The following NRXN3 variants were observed in gnomAD, a reference collection of about 807,000 sequenced individuals.
The protein encoded by NRXN3 is neurexin III.
NRXN3 carries 32 observed loss-of-function variants against 137.6 expected under a neutral mutation model. The ratio of observed to expected loss-of-function variants is 0.23; its 90% CI spans 0.18 to 0.31. The LOEUF (loss-of-function observed/expected upper bound fraction) is 0.31. NRXN3 is among the 10% of genes least tolerant of loss of function. NRXN3 has a pLI of 1.00. For missense variants in NRXN3, 1,574 were observed against 2,062.5 expected (o/e 0.76, Z 4.59); for synonymous variants, 798 against 784.5 (o/e 1.02, Z -0.29).
intron 10 of NRXN3, among the ~76,000 whole-genome samples, chr14:78,858,100 G>A (rs890849890): frequency 1.3e-5 from 2 of 152,136 alleles, no homozygotes; most frequent in East Asian, 1.9e-4. Flanking sequence ...TTCCCTAGTG[G>A]CAGAGAGTTT....
chr14:78,595,896 C>T (rs958156679), intron 4 of NRXN3, among the ~76,000 whole-genome samples: 1 of 152,158 alleles, frequency 6.6e-6, no homozygotes, highest in Non-Finnish European at 1.5e-5. Context: ...ATCATAATAT[C>T]ATGGGTTAAA....
At chr14:78,967,064 C>A in intron 12 of NRXN3, 144 bp from the exon 13 acceptor site, 3 of 666,260 alleles carry the variant, frequency 4.5e-6, no homozygotes, top group Non-Finnish European at 5.0e-6. Context: ...ATTCTTGTAA[C>A]CTCATATCAA....
intron 6 of NRXN3, among the ~76,000 whole-genome samples, chr14:78,667,370 C>T (rs544696598): frequency 3.7e-4 from 57 of 152,242 alleles, no homozygotes; most frequent in African/African-American, 1.2e-3. Flanking sequence ...GAATCTGTTT[C>T]GTAGTGAGTA....
At position 78,797,833 on chromosome 14, in the gene NRXN3, A is replaced by G. The variant is rs1330676926; in HGVS notation, c.2045-5787A>G. Among the ~76,000 whole-genome samples the G allele has an allele frequency of 2.0e-5, 3 of 152,188 alleles. No individual in the cohort carries two copies. In the South Asian group the frequency reaches 6.2e-4, roughly 32 times the overall value. On this transcript the variant is annotated intron_variant, in intron 8 of 20. Transcript: ENST00000335750. The stretch of plus-strand genomic sequence containing the variant: ...TCTTACATGGTGGCAGACAAGAGAG[A>G]AAATGAGAGCCAGGCAAAAGGGGTT...
chr14:79,087,232 G>A (rs1183766478), intron 15 of NRXN3, among the ~76,000 whole-genome samples: 1 of 152,130 alleles, frequency 6.6e-6, no homozygotes, highest in Non-Finnish European at 1.5e-5. Flanking sequence ...GATGTAAACT[G>A]CCTGCCTTTT....
chr14:78,332,318 C>CTTT (rs5809877), intron 4 of NRXN3, among the ~76,000 whole-genome samples: 1 of 124,686 alleles, frequency 8.0e-6, no homozygotes, highest in African/African-American at 3.0e-5. Flanking sequence ...TTTTCTTCTT[C>CTTT]TTTTTTTTTT....
At chr14:79,012,777 G>A (rs1265804849) in intron 15 of NRXN3, among the ~76,000 whole-genome samples, 2 of 152,162 alleles carry the variant, frequency 1.3e-5, no homozygotes, top group East Asian at 1.9e-4. Flanking sequence ...CTTTCCATGC[G>A]ACCGAGGAAG....
chr14:79,713,404 A>G (rs967720399), intron 19 of NRXN3, among the ~76,000 whole-genome samples: 1 of 148,552 alleles, frequency 6.7e-6, no homozygotes, highest in Non-Finnish European at 1.5e-5. Context: ...CACACAAAAA[A>G]TGAATAGCTA....
At chr14:79,848,505 C>T (rs1201476575) in intron 20 of NRXN3, among the ~76,000 whole-genome samples, 1 of 151,966 alleles carries the variant, frequency 6.6e-6, no homozygotes, top group East Asian at 1.9e-4. Context: ...ATGTGTGGCC[C>T]AAGACAATTC....
At position 78,236,739 on chromosome 14, in the gene NRXN3, C is replaced by T. The variant is rs76031654; in HGVS notation, c.-703-5652C>T. Among the ~76,000 whole-genome samples, 25 of 113,516 alleles carry T rather than the reference C, an allele frequency of 2.2e-4. 1 individual carries two copies. Among genetic ancestry groups the T allele is most frequent in the Admixed American group, 1.6e-3 (18 of 11,396 alleles). 74.5% of individuals were successfully genotyped at this position (113,516 alleles called of 152,430 possible). The stretch of plus-strand genomic sequence containing the variant: ...TGAGATAGGTATTATTCCCCCCCCC[C>T]TTTTTTTTGATGAAGAAAGACTCAA... On this transcript the variant is annotated intron_variant, in intron 1 of 20. Transcript: ENST00000335750.
chr14:79,541,940 G>A (rs2097277046), intron 16 of NRXN3, among the ~76,000 whole-genome samples: 1 of 152,188 alleles, frequency 6.6e-6, no homozygotes, highest in Admixed American at 6.5e-5. Flanking sequence ...ATTAGATGCT[G>A]TCAGAAAGCA....
At chr14:78,870,633 A>G (rs2099099023) in intron 10 of NRXN3, among the ~76,000 whole-genome samples, 1 of 151,932 alleles carries the variant, frequency 6.6e-6, no homozygotes, top group Admixed American at 6.6e-5. Context: ...TATTCCTTCT[A>G]TCTAACTGTG....
chr14:79,754,022 T>TA (rs915720383), intron 19 of NRXN3, among the ~76,000 whole-genome samples: 59 of 150,964 alleles, frequency 3.9e-4, no homozygotes, highest in Non-Finnish European at 5.9e-4. Flanking sequence ...GAGAGTACTT[T>TA]AAAAAAAAAG....
At chr14:79,519,598 C>T (rs1349344946) in intron 16 of NRXN3, among the ~76,000 whole-genome samples, 1 of 151,858 alleles carries the variant, frequency 6.6e-6, no homozygotes, top group Non-Finnish European at 1.5e-5. Flanking sequence ...AATATGAGTG[C>T]TTTTACATTT....
chr14:79,824,406 T>TTC (rs2099284970), intron 20 of NRXN3, among the ~76,000 whole-genome samples: 1 of 100,876 alleles, frequency 9.9e-6, no homozygotes, highest in Non-Finnish European at 2.2e-5. Flanking sequence ...TTTGATGGTT[T>TTC]TTTTTTCCAC....
At chr14:78,389,214 C>G (rs1324327406) in intron 4 of NRXN3, among the ~76,000 whole-genome samples, 1 of 152,064 alleles carries the variant, frequency 6.6e-6, no homozygotes, top group Admixed American at 6.6e-5. Context: ...CACCACCATG[C>G]CTGGCTAATT....
intron 8 of NRXN3, among the ~76,000 whole-genome samples, chr14:78,763,044 T>A (rs1192032227): frequency 6.6e-6 from 1 of 152,188 alleles, no homozygotes; most frequent in Non-Finnish European, 1.5e-5. Flanking sequence ...AGTGCTGGTA[T>A]GTGTTGGAGT....
chr14:78,530,002 C>G (rs73324436), intron 4 of NRXN3, among the ~76,000 whole-genome samples: 8,497 of 152,214 alleles, frequency 0.056, 327 homozygotes, highest in African/African-American at 0.11. Flanking sequence ...AATATTTATA[C>G]AGTGCAATTT....
intron 15 of NRXN3, among the ~76,000 whole-genome samples, chr14:79,297,028 C>A (rs1329088187): frequency 1.3e-5 from 2 of 152,162 alleles, no homozygotes; most frequent in Non-Finnish European, 2.9e-5. Context: ...CTTGCCTTTG[C>A]TTATCCTATT....
Sources: gnomAD v4.1 joint callset for allele counts (sites outside exome capture counted in the v4.1 genomes callset) on GRCh38, gnomAD v4.1.1 for gene constraint, MANE v1.5 for transcripts, NCBI Gene and HGNC (gene_info 2026-07-23, HGNC 2026-07-21) for gene names.